The following INPP4B variants were observed in gnomAD, a reference collection of about 807,000 sequenced individuals.
INPP4B encodes inositol polyphosphate 4-phosphatase type II.
INPP4B carries 55 observed loss-of-function variants against 122.5 expected under a neutral mutation model. The ratio of observed to expected loss-of-function variants is 0.45; its 90% CI spans 0.36 to 0.56. The LOEUF (loss-of-function observed/expected upper bound fraction) is 0.56, where lower values mean the gene tolerates loss of function less well. INPP4B is among the 20% of genes least tolerant of loss of function. The pLI is 0.00. For missense variants in INPP4B, 1,000 were observed against 1,097.7 expected (o/e 0.91, Z 1.26); for synonymous variants, 403 against 388.7 (o/e 1.04, Z -0.43).
At chr4:142,604,871 T>C (rs1468035924) in intron 2 of INPP4B, among the ~76,000 whole-genome samples, 1 of 152,110 alleles carries the variant, frequency 6.6e-6, no homozygotes, top group East Asian at 1.9e-4. Flanking sequence ...AAAACAATCC[T>C]AAACTTCATA....
chr4:142,081,934 T>C, intron 25 of INPP4B, 97 bp downstream of exon 25: 2 of 815,476 alleles, frequency 2.5e-6, no homozygotes, highest in Non-Finnish European at 3.5e-6. Flanking sequence ...AGTTCTAAAA[T>C]ATTTAGTCCT....
At chr4:142,206,791 G>A (rs967470818) in intron 14 of INPP4B, among the ~76,000 whole-genome samples, 3 of 151,788 alleles carry the variant, frequency 2.0e-5, no homozygotes, top group South Asian at 2.1e-4. Flanking sequence ...TATTATTAAC[G>A]TGTATGTGTA....
intron 25 of INPP4B, among the ~76,000 whole-genome samples, chr4:142,072,367 A>G (rs907310574): frequency 1.3e-5 from 2 of 152,024 alleles, no homozygotes; most frequent in African/African-American, 4.8e-5. Flanking sequence ...GGATAGCCTT[A>G]GGAGATATAC....
intron 2 of INPP4B, among the ~76,000 whole-genome samples, chr4:142,487,818 C>T (rs79705779): frequency 0.043 from 6,466 of 152,048 alleles, 183 homozygotes; most frequent in Non-Finnish European, 0.067. Context: ...CTTTTAGTTG[C>T]CTTTTTGATT....
intron 7 of INPP4B, among the ~76,000 whole-genome samples, chr4:142,316,355 T>A (rs571503768): frequency 6.6e-6 from 1 of 152,324 alleles, no homozygotes; most frequent in Non-Finnish European, 1.5e-5. Flanking sequence ...CTGAAAGTCA[T>A]CAGCTGGCCT....
intron 2 of INPP4B, among the ~76,000 whole-genome samples, chr4:142,634,909 A>C (rs1405516746): frequency 6.6e-6 from 1 of 152,152 alleles, no homozygotes; most frequent in East Asian, 1.9e-4. Flanking sequence ...ACTTAACAAC[A>C]TTCAAAAGAT....
intron 2 of INPP4B, among the ~76,000 whole-genome samples, chr4:142,536,243 C>T (rs371387326): frequency 6.9e-6 from 1 of 145,784 alleles, no homozygotes; most frequent in Non-Finnish European, 1.5e-5. Flanking sequence ...ATTGAACAGT[C>T]TTATATTTAA....
At chr4:142,326,008 C>T (rs1210918499) in intron 7 of INPP4B, among the ~76,000 whole-genome samples, 1 of 152,202 alleles carries the variant, frequency 6.6e-6, no homozygotes. Flanking sequence ...GATACAGGAT[C>T]TGCTGAAAAT....
At chr4:142,260,259 C>T (rs1442525722) in intron 11 of INPP4B, among the ~76,000 whole-genome samples, 3 of 152,074 alleles carry the variant, frequency 2.0e-5, no homozygotes, top group African/African-American at 4.8e-5. Context: ...GCTGGGATTA[C>T]GGACGTGAGC....
At chr4:142,345,483 C>A (rs1410785851) in intron 7 of INPP4B, among the ~76,000 whole-genome samples, 1 of 151,966 alleles carries the variant, frequency 6.6e-6, no homozygotes, top group African/African-American at 2.4e-5. Context: ...AGGCAGCTCT[C>A]AAATTCCATG....
chr4:142,150,887 C>G (rs1007439795), intron 17 of INPP4B, among the ~76,000 whole-genome samples: 6 of 152,182 alleles, frequency 3.9e-5, no homozygotes, highest in Admixed American at 3.9e-4. Flanking sequence ...AGCTGACCAA[C>G]TTTTTCTAAG....
chr4:142,652,136 T>C (rs1753102648), intron 2 of INPP4B, among the ~76,000 whole-genome samples: 1 of 152,142 alleles, frequency 6.6e-6, no homozygotes, highest in Non-Finnish European at 1.5e-5. Context: ...ATTATCTCAA[T>C]AGATGCAGAA....
intron 12 of INPP4B, among the ~76,000 whole-genome samples, chr4:142,212,168 A>C (rs1845193138): frequency 6.6e-6 from 1 of 152,110 alleles, no homozygotes; most frequent in Non-Finnish European, 1.5e-5. Context: ...GATAGCATAC[A>C]AAACAAGATC....
chr4:142,342,087 T>G (rs1420580205), intron 7 of INPP4B, among the ~76,000 whole-genome samples: 1 of 152,112 alleles, frequency 6.6e-6, no homozygotes, highest in East Asian at 1.9e-4. Flanking sequence ...TTGTTATAAT[T>G]TCTCTAATCC....
At chr4:142,484,711 G>A (rs1386931949) in intron 2 of INPP4B, among the ~76,000 whole-genome samples, 1 of 151,918 alleles carries the variant, frequency 6.6e-6, no homozygotes, top group Non-Finnish European at 1.5e-5. Context: ...CATCACCTAG[G>A]TATTAAGCCT....
intron 11 of INPP4B, among the ~76,000 whole-genome samples, chr4:142,250,822 T>C (rs1297845628): frequency 1.3e-5 from 2 of 152,114 alleles, no homozygotes; most frequent in Non-Finnish European, 2.9e-5. Flanking sequence ...TAGAAATATA[T>C]TCAGAACTAA....
intron 7 of INPP4B, among the ~76,000 whole-genome samples, chr4:142,320,524 T>C (rs1769591516): frequency 6.6e-6 from 1 of 152,186 alleles, no homozygotes; most frequent in Non-Finnish European, 1.5e-5. Context: ...TAATAGGTTT[T>C]GGAAGAACAT....
chr4:142,415,510 C>T (rs1805517858), intron 5 of INPP4B, among the ~76,000 whole-genome samples: 1 of 151,972 alleles, frequency 6.6e-6, no homozygotes, highest in South Asian at 2.1e-4. Flanking sequence ...ACAACAGGTG[C>T]TGGAGAGGAT....
intron 1 of INPP4B, among the ~76,000 whole-genome samples, chr4:142,772,336 A>G (rs1340148731): frequency 2.0e-5 from 3 of 152,082 alleles, no homozygotes; most frequent in Non-Finnish European, 4.4e-5. Flanking sequence ...CTGGGGTGGG[A>G]GTGAGGCATC....
Sources: gnomAD v4.1 joint callset for allele counts (sites outside exome capture counted in the v4.1 genomes callset) on GRCh38, gnomAD v4.1.1 for gene constraint, MANE v1.5 for transcripts, NCBI Gene and HGNC (gene_info 2026-07-23, HGNC 2026-07-21) for gene names.